The following EIF3K variants were observed in gnomAD, a reference collection of about 807,000 sequenced individuals.
EIF3K encodes the protein eIF-3 p28.
In EIF3K, 27 loss-of-function variants were observed where a neutral mutation model predicts 34.2. The observed-to-expected ratio is 0.79, with a 90% CI of 0.58 to 1.09. The LOEUF (loss-of-function observed/expected upper bound fraction) is 1.09. Ranked by LOEUF, EIF3K falls within the 50% of genes least tolerant of loss-of-function variation. The probability of loss-of-function intolerance (pLI) is 0.00; values close to 1 mark genes in which losing one functional copy is unlikely to be tolerated. For synonymous variants in EIF3K, 105 were observed against 105.7 expected (o/e 0.99, Z 0.04); for missense variants, 232 against 275.4 (o/e 0.84, Z 1.11).
chr19:38,636,704 A>C (rs1976199737), intron 7 of EIF3K, among the ~76,000 whole-genome samples, 185 bp from the exon 8 acceptor site: 1 of 152,070 alleles, frequency 6.6e-6, no homozygotes, highest in African/African-American at 2.4e-5. Context: ...TGGGATTTGA[A>C]CCTAGCCCTC....
At chr19:38,628,387 T>G (rs1975991447) in intron 4 of EIF3K, 1 of 152,246 alleles carries the variant, frequency 6.6e-6, no homozygotes, top group Non-Finnish European at 1.5e-5. Flanking sequence ...CCTCTGTGAG[T>G]TTCCAGCATC....
chr19:38,634,631 G>C (rs1976149178), intron 6 of EIF3K, among the ~76,000 whole-genome samples: 1 of 152,094 alleles, frequency 6.6e-6, no homozygotes, highest in African/African-American at 2.4e-5. Flanking sequence ...TTCTGGTAAT[G>C]GTCATGTTAT....
At position 38,620,366 on chromosome 19, in the gene EIF3K, A is replaced by C; in HGVS notation, c.89A>C (p.Glu30Ala). 6.2e-7 allele frequency: 1 copy of C among 1,613,976 alleles called. No individual in the cohort carries two copies. The highest frequency in any genetic ancestry group is 8.5e-7 in the Non-Finnish European group (1 of 1,179,986). ...AATCCTGAGAACCTGGCCACCCTGG[A>C]GCGCTATGTAGAGACGCAGGCCAAG... ...RYNPENLATLERYVETQAKEN... is the reference protein window; with the variant it reads ...RYNPENLATLARYVETQAKEN... The change falls in exon 2 of 8, where the codon GAG (glutamate) becomes GCG (alanine). Residue 30 changes from glutamate (E) to alanine (A), a missense_variant. Coordinates refer to ENST00000248342, the MANE Select transcript of EIF3K (RefSeq NM_013234.4).
Position 38,635,035 on chromosome 19 carries a change from CCGA to C in EIF3K, c.546_548del (p.Asp182del). On this transcript the variant is annotated inframe_deletion, in exon 7 of 8. Transcript: ENST00000248342. The stretch of plus-strand genomic sequence containing the variant: ...TGGATGAGCAAATACGGCTGGAGTG[CCGA>C]CGAGTCGGGGCAGATCTTCATCTGT... 1 of 1,614,154 alleles carries C rather than the reference CCGA, an allele frequency of 6.2e-7. No individual in the cohort carries two copies. Among genetic ancestry groups the C allele is most frequent in the South Asian group, 1.1e-5 (1 of 91,086 alleles).
Position 38,620,405 on chromosome 19 carries a change from A to T in EIF3K, c.128A>T (p.Asp43Val). ...VETQAKENAYDLEANLAVLKL... is the reference protein window; with the variant it reads ...VETQAKENAYVLEANLAVLKL... ...ACGCAGGCCAAGGAAAATGCCTATG[A>T]TCTGGAAGCCAACCTGGCTGTCCTG... The change falls in exon 2 of 8, where the codon GAT becomes GTT. Residue 43 changes from aspartate to valine, a missense_variant. Asp to Val is a radical substitution (Grantham distance 152). Coordinates refer to ENST00000248342, the MANE Select transcript of EIF3K (RefSeq NM_013234.4). The T allele has an allele frequency of 6.2e-7, 1 of 1,613,986 alleles. No homozygotes were observed. The highest frequency in any genetic ancestry group is 8.5e-7 in the Non-Finnish European group (1 of 1,179,990).
intron 4 of EIF3K, among the ~76,000 whole-genome samples, chr19:38,631,154 C>T (rs935152954): frequency 1.3e-5 from 2 of 152,140 alleles, no homozygotes; most frequent in Non-Finnish European, 2.9e-5. Flanking sequence ...GGGTGGGTTG[C>T]CCCTCCACAC....
At chr19:38,634,802 CATT>C (rs1307491155) in intron 6 of EIF3K, among the ~76,000 whole-genome samples, 188 bp from the exon 7 acceptor site, 2 of 152,176 alleles carry the variant, frequency 1.3e-5, no homozygotes, top group African/African-American at 4.8e-5. Context: ...CTCTGGCGGC[CATT>C]CAGAGAATGA....
chr19:38,625,854 C>G (rs1332751683), intron 3 of EIF3K, among the ~76,000 whole-genome samples, 174 bp from the exon 4 acceptor site: 1 of 152,186 alleles, frequency 6.6e-6, no homozygotes, highest in Non-Finnish European at 1.5e-5. Flanking sequence ...CTGCAGCCAA[C>G]ATCCTTTCTC....
chr19:38,634,599 C>CA (rs937490768), intron 6 of EIF3K, among the ~76,000 whole-genome samples: 265 of 135,570 alleles, frequency 2.0e-3, no homozygotes, highest in African/African-American at 4.3e-3. Flanking sequence ...AACTCCGTCT[C>CA]AAAAAAAAAA....
At chr19:38,635,250 C>A in intron 7 of EIF3K, 132 bp downstream of exon 7, 1 of 1,319,280 alleles carries the variant, frequency 7.6e-7, no homozygotes, top group Non-Finnish European at 1.1e-6. Context: ...CTGCCAGATT[C>A]CATTCACCTT....
chr19:38,624,376 G>A (rs1310809875), intron 3 of EIF3K, among the ~76,000 whole-genome samples, 179 bp downstream of exon 3: 1 of 152,138 alleles, frequency 6.6e-6, no homozygotes, highest in Non-Finnish European at 1.5e-5. Context: ...CCTGGGCCCT[G>A]TCTTCACAAA....
chr19:38,636,696 G>C (rs533034886), intron 7 of EIF3K, among the ~76,000 whole-genome samples, 193 bp from the exon 8 acceptor site: 2 of 152,226 alleles, frequency 1.3e-5, no homozygotes, highest in Admixed American at 1.3e-4. Context: ...GGCAGAGCTG[G>C]GATTTGAACC....
rs567110403 is a variant in EIF3K at position 38,625,087 on chromosome 19, G to A, written c.279+890G>A. Among the ~76,000 whole-genome samples the A allele has an allele frequency of 5.9e-5, 9 of 152,270 alleles. No homozygotes were observed. The East Asian group carries it at 9.6e-4, about 16-fold the overall frequency. ...GCTAAAGGAAGCAGAGCTCGGTGCTGTCTTTCAGGAATGGTAGAGGAAGCC... is the reference window on the plus strand; with the variant it reads ...GCTAAAGGAAGCAGAGCTCGGTGCTATCTTTCAGGAATGGTAGAGGAAGCC... On this transcript the variant is annotated intron_variant, in intron 3 of 7. Transcript: ENST00000248342.
At chr19:38,632,887 A>C in intron 6 of EIF3K, 1 of 525,742 alleles carries the variant, frequency 1.9e-6, no homozygotes, top group East Asian at 3.1e-5. Flanking sequence ...GCATTAATTG[A>C]GTGCCTACCG....
chr19:38,624,739 A>G (rs984316931), intron 3 of EIF3K, among the ~76,000 whole-genome samples: 2 of 150,122 alleles, frequency 1.3e-5, no homozygotes, highest in Admixed American at 6.7e-5. Flanking sequence ...CTCTGTCTCA[A>G]AAAAAAAAAG....
At chr19:38,627,905 C>CTTTTTTTTTT (rs60551864) in intron 4 of EIF3K, among the ~76,000 whole-genome samples, 2 of 140,248 alleles carry the variant, frequency 1.4e-5, no homozygotes, top group Admixed American at 7.2e-5. Flanking sequence ...ATTTTCTTTC[C>CTTTTTTTTTT]TTTTTTTTTT....
intron 2 of EIF3K, among the ~76,000 whole-genome samples, 194 bp downstream of exon 2, chr19:38,620,629 C>CA (rs1445681702): frequency 1.3e-5 from 2 of 152,194 alleles, no homozygotes; most frequent in African/African-American, 4.8e-5. Context: ...CGCGGTGACT[C>CA]ACGCCTGTTA....
rs749541807 is a variant in EIF3K, at chr19:38,626,081, C to T, written c.333C>T (p.Thr111=). ...TGTACCTCGGGGACCTGCTGGAGAC[C>T]TGCCATTTCCAGGCCTTCTGGGTAA... The part of the protein sequence containing the change: ...QILYLGDLLE[T]CHFQAFWQAL... The change falls in exon 4 of 8, where the codon ACC becomes ACT. Residue 111 remains threonine (T), a synonymous_variant. Coordinates refer to ENST00000248342, the MANE Select transcript of EIF3K (RefSeq NM_013234.4). 3.7e-6 allele frequency: 6 copies of T among 1,614,102 alleles called. No homozygotes were observed. In the South Asian group the frequency reaches 5.5e-5, roughly 15 times the overall value.
intron 7 of EIF3K, 138 bp from the exon 8 acceptor site, chr19:38,636,751 A>C: frequency 1.0e-6 from 1 of 990,528 alleles, no homozygotes; most frequent in Non-Finnish European, 1.6e-6. Flanking sequence ...ATACTGCACC[A>C]AACTGCCTTT....
Sources: gnomAD v4.1 joint callset for allele counts (sites outside exome capture counted in the v4.1 genomes callset) on GRCh38, gnomAD v4.1.1 for gene constraint, MANE v1.5 for transcripts, NCBI Gene and HGNC (gene_info 2026-07-23, HGNC 2026-07-21) for gene names.